The following MARCHF1 variants were observed in gnomAD, a reference collection of about 807,000 sequenced individuals.
MARCHF1 encodes membrane associated ring-CH-type finger 1.
In MARCHF1, 40 loss-of-function variants were observed where a neutral mutation model predicts 54.2. That is an observed-to-expected ratio of 0.74 (90% CI 0.57 to 0.96). MARCHF1 has a LOEUF of 0.96. Ranked by LOEUF, MARCHF1 falls within the 40% of genes least tolerant of loss-of-function variation. MARCHF1 has a pLI of 0.00. For synonymous variants in MARCHF1, 236 were observed against 236.3 expected (o/e 1.00, Z 0.01); for missense variants, 586 against 656.5 (o/e 0.89, Z 1.17).
intron 4 of MARCHF1, among the ~76,000 whole-genome samples, chr4:163,796,429 T>C (rs183341319): frequency 1.3e-5 from 2 of 152,184 alleles, no homozygotes; most frequent in East Asian, 3.9e-4. Context: ...TATAAGTATG[T>C]AGTCAAGCTT....
Position 164,246,522 on chromosome 4 carries a change from A to T in MARCHF1, c.-322-134860T>A, listed in dbSNP as rs1351136069. Among the ~76,000 whole-genome samples, 4 of 47,806 alleles carry T rather than the reference A, an allele frequency of 8.4e-5. 1 individual carries two copies. Among genetic ancestry groups the T allele is most frequent in the African/African-American group, 2.1e-4 (4 of 19,162 alleles). 31.4% of individuals were successfully genotyped at this position (47,806 alleles called of 152,430 possible). ...CCTAGAAGAAAACCTAGGCATTACC[A>T]TTCAGGACATAGGCATGGGCAAGGA... On this transcript the variant is annotated intron_variant, in intron 1 of 9. Coordinates refer to ENST00000514618, the MANE Select transcript of MARCHF1 (RefSeq NM_001394959.1).
At chr4:163,877,453 T>G (rs1750315354) in intron 3 of MARCHF1, among the ~76,000 whole-genome samples, 1 of 147,862 alleles carries the variant, frequency 6.8e-6, no homozygotes, top group South Asian at 2.2e-4. Context: ...CACTTGGGTG[T>G]GGGCACTGTT....
At chr4:164,256,169 TAA>T in intron 1 of MARCHF1, among the ~76,000 whole-genome samples, 1 of 151,812 alleles carries the variant, frequency 6.6e-6, no homozygotes, top group East Asian at 1.9e-4. Flanking sequence ...AATTGTATCA[TAA>T]AAGTCACTAA....
rs1450461667 is a variant in MARCHF1 at position 163,733,953 on chromosome 4, CAAT to C, written c.112-33093_112-33091del. Among the ~76,000 whole-genome samples, 29 of 152,060 alleles carry C rather than the reference CAAT, an allele frequency of 1.9e-4. No individual in the cohort carries two copies. In the East Asian group the frequency reaches 3.3e-3, roughly 17 times the overall value. On this transcript the variant is annotated intron_variant, in intron 4 of 9. Transcript: ENST00000514618. ...GAATATACAAAGAAATTTTGATGCT[CAAT>C]AATAAGAGAATAAACAACTCAATTT...
intron 4 of MARCHF1, among the ~76,000 whole-genome samples, chr4:163,845,199 AG>A (rs1749449493): frequency 6.6e-6 from 1 of 152,058 alleles, no homozygotes; most frequent in Admixed American, 6.6e-5. Flanking sequence ...CATTTCTTTG[AG>A]AACTATAATT....
intron 2 of MARCHF1, among the ~76,000 whole-genome samples, chr4:164,100,626 T>C (rs1021250749): frequency 3.6e-4 from 55 of 152,342 alleles, no homozygotes; most frequent in East Asian, 5.8e-4. Context: ...CAGTCATGAA[T>C]AAAAAATGTC....
In MARCHF1 at chr4:163,733,227, G is replaced by GTATATA. The variant is rs1241873225; in HGVS notation, c.112-32370_112-32365dup. Among the ~76,000 whole-genome samples, 34 of 13,828 alleles carry GTATATA rather than the reference G, an allele frequency of 2.5e-3. 1 individual carries two copies. The highest frequency in any genetic ancestry group is 3.1e-3 in the African/African-American group (17 of 5,472). The allele number at this position is 13,828 out of a possible 152,430, so 9.1% of individuals were successfully genotyped here. On this transcript the variant is annotated intron_variant, in intron 4 of 9. Coordinates refer to ENST00000514618, the MANE Select transcript of MARCHF1 (RefSeq NM_001394959.1). ...TATATATATATATATATATACACGT[G>GTATATA]TATATATATATATACACGTGTATAT...
chr4:163,833,767 T>C (rs1749098670), intron 4 of MARCHF1, among the ~76,000 whole-genome samples: 1 of 152,116 alleles, frequency 6.6e-6, no homozygotes, highest in African/African-American at 2.4e-5. Flanking sequence ...GAAAGACAAC[T>C]GAAGAAAGTG....
chr4:163,590,272 T>A (rs79816822), intron 7 of MARCHF1, among the ~76,000 whole-genome samples: 1 of 149,924 alleles, frequency 6.7e-6, no homozygotes, highest in Non-Finnish European at 1.5e-5. Context: ...AAAAAAAAAA[T>A]CTTTGTGAGG....
intron 9 of MARCHF1, among the ~76,000 whole-genome samples, chr4:163,529,334 TTA>T (rs922171828): frequency 4.6e-4 from 70 of 151,780 alleles, no homozygotes; most frequent in Non-Finnish European, 8.2e-4. Flanking sequence ...TTATGAGATA[TTA>T]TGTTAGATTT....
At chr4:163,984,112 G>T (rs988114862) in intron 3 of MARCHF1, among the ~76,000 whole-genome samples, 1 of 151,894 alleles carries the variant, frequency 6.6e-6, no homozygotes, top group Non-Finnish European at 1.5e-5. Context: ...TACCAAAAGA[G>T]ATTCCCCAGT....
At chr4:164,051,640 T>TG (rs1754367049) in intron 2 of MARCHF1, among the ~76,000 whole-genome samples, 1 of 152,210 alleles carries the variant, frequency 6.6e-6, no homozygotes, top group Non-Finnish European at 1.5e-5. Flanking sequence ...GTCTACAACT[T>TG]GCAGAAGGTA....
intron 1 of MARCHF1, among the ~76,000 whole-genome samples, chr4:164,125,762 G>A (rs1756166501): frequency 6.6e-6 from 1 of 152,196 alleles, no homozygotes; most frequent in South Asian, 2.1e-4. Flanking sequence ...TACTGTCTGA[G>A]CTCCGCCTCC....
intron 8 of MARCHF1, among the ~76,000 whole-genome samples, chr4:163,574,067 T>A (rs577053989): frequency 0.022 from 3,384 of 152,306 alleles, 104 homozygotes; most frequent in African/African-American, 0.076. Flanking sequence ...TGGCCAATGA[T>A]GGTGAGCATT....
chr4:164,032,591 C>T (rs976604244), intron 2 of MARCHF1, among the ~76,000 whole-genome samples: 26 of 152,074 alleles, frequency 1.7e-4, no homozygotes, highest in African/African-American at 6.3e-4. Context: ...TCATTATTTA[C>T]CCAGGAGTCA....
At chr4:164,198,744 T>A (rs917733299) in intron 1 of MARCHF1, among the ~76,000 whole-genome samples, 8 of 152,210 alleles carry the variant, frequency 5.3e-5, no homozygotes, top group African/African-American at 1.9e-4. Flanking sequence ...TTTGCTTCAT[T>A]TTCCCCATCA....
In MARCHF1 at chr4:163,676,407, A is replaced by G. The variant is rs1417981978; in HGVS notation, c.162+24406T>C. 2.0e-5 allele frequency among the ~76,000 whole-genome samples: 3 copies of G among 151,846 alleles called. No individual in the cohort carries two copies. The East Asian group carries it at 5.8e-4, about 29-fold the overall frequency. On this transcript the variant is annotated intron_variant, in intron 5 of 9. Coordinates refer to ENST00000514618, the MANE Select transcript of MARCHF1 (RefSeq NM_001394959.1). Reference sequence around the variant, plus strand: ...TTAAGAAAACATACTATGGTTCTTCAGCTGAGATCAAGCAGCATAACAGCA... The same window carrying G: ...TTAAGAAAACATACTATGGTTCTTCGGCTGAGATCAAGCAGCATAACAGCA...
At chr4:164,312,319 CTTTT>C (rs34613860) in intron 1 of MARCHF1, among the ~76,000 whole-genome samples, 7 of 103,438 alleles carry the variant, frequency 6.8e-5, no homozygotes, top group African/African-American at 1.5e-4. Context: ...TTTTCTTTTT[CTTTT>C]TTTTTTTTTT....
At chr4:163,775,714 C>G (rs1478403689) in intron 4 of MARCHF1, among the ~76,000 whole-genome samples, 2 of 151,854 alleles carry the variant, frequency 1.3e-5, no homozygotes, top group Admixed American at 1.3e-4. Flanking sequence ...AGGAAAAGTG[C>G]TTAGTTTTGG....
Sources: gnomAD v4.1 joint callset for allele counts (sites outside exome capture counted in the v4.1 genomes callset) on GRCh38, gnomAD v4.1.1 for gene constraint, MANE v1.5 for transcripts, NCBI Gene and HGNC (gene_info 2026-07-23, HGNC 2026-07-21) for gene names.